The following ENPP6 variants were observed in gnomAD, a reference collection of about 807,000 sequenced individuals.
ENPP6 encodes glycerophosphocholine cholinephosphodiesterase ENPP6.
Under a neutral mutation model 42.0 loss-of-function variants are expected in ENPP6, and 32 were observed. That is an observed-to-expected ratio of 0.76 (90% CI 0.58 to 1.02). The LOEUF is 1.02. Among genes scored for constraint, ENPP6 ranks in the 50% least tolerant of loss-of-function variants. The pLI is 0.00. For missense variants in ENPP6, 552 were observed against 566.8 expected (o/e 0.97, Z 0.27); for synonymous variants, 213 against 216.0 (o/e 0.99, Z 0.12).
chr4:184,164,735 C>T (rs1438058524), intron 1 of ENPP6, among the ~76,000 whole-genome samples: 2 of 152,196 alleles, frequency 1.3e-5, no homozygotes, highest in East Asian at 1.9e-4. Context: ...TTCCACATTT[C>T]GTCCTCACCG....
intron 1 of ENPP6, among the ~76,000 whole-genome samples, chr4:184,185,347 A>G (rs938732134): frequency 6.6e-6 from 1 of 152,212 alleles, no homozygotes; most frequent in African/African-American, 2.4e-5. Context: ...GACAAACACC[A>G]GAAACAACAT....
At chr4:184,149,106 C>T (rs1203063140) in intron 2 of ENPP6, among the ~76,000 whole-genome samples, 1 of 152,154 alleles carries the variant, frequency 6.6e-6, no homozygotes, top group African/African-American at 2.4e-5. Flanking sequence ...ATCCAGACCA[C>T]TTGTGTTTGC....
chr4:184,172,343 G>A (rs1737483762), intron 1 of ENPP6, among the ~76,000 whole-genome samples: 1 of 152,116 alleles, frequency 6.6e-6, no homozygotes, highest in Non-Finnish European at 1.5e-5. Context: ...CCACGCAGGA[G>A]AGAAATTCAG....
intron 5 of ENPP6, among the ~76,000 whole-genome samples, chr4:184,114,052 G>T (rs573136804): frequency 6.6e-6 from 1 of 150,822 alleles, no homozygotes; most frequent in Admixed American, 6.6e-5. Context: ...TGCAACCTCC[G>T]ACTCCTGAGT....
chr4:184,154,199 T>C (rs547459226), intron 1 of ENPP6, among the ~76,000 whole-genome samples: 3 of 152,372 alleles, frequency 2.0e-5, no homozygotes, highest in African/African-American at 7.2e-5. Context: ...GCTTCAGCTC[T>C]GAACAGTGAT....
At chr4:184,107,968 C>A (rs1215230511) in intron 6 of ENPP6, among the ~76,000 whole-genome samples, 1 of 151,840 alleles carries the variant, frequency 6.6e-6, no homozygotes, top group Non-Finnish European at 1.5e-5. Context: ...TCAGTGACGC[C>A]TCTCTAAGAA....
chr4:184,154,888 G>A (rs1329732989), intron 1 of ENPP6, among the ~76,000 whole-genome samples: 1 of 152,160 alleles, frequency 6.6e-6, no homozygotes, highest in East Asian at 1.9e-4. Context: ...GGTTAAGGAA[G>A]TTATTTTATT....
intron 2 of ENPP6, 87 bp from the exon 3 acceptor site, chr4:184,124,359 G>T: frequency 1.1e-6 from 1 of 920,344 alleles, no homozygotes; most frequent in Non-Finnish European, 1.7e-6. Context: ...AACACCATTA[G>T]TCAAAATCAA....
intron 1 of ENPP6, among the ~76,000 whole-genome samples, chr4:184,216,070 G>A (rs1290945389): frequency 6.6e-6 from 1 of 152,208 alleles, no homozygotes; most frequent in Non-Finnish European, 1.5e-5. Flanking sequence ...GAAGCTGCAC[G>A]TGGCGTGGCA....
At chr4:184,107,516 T>A (rs1029973930) in intron 6 of ENPP6, among the ~76,000 whole-genome samples, 5 of 152,136 alleles carry the variant, frequency 3.3e-5, no homozygotes, top group African/African-American at 1.2e-4. Context: ...TGGATGACTG[T>A]GTGTAATCCC....
At chr4:184,112,888 G>A in intron 5 of ENPP6, 79 bp from the exon 6 acceptor site, 1 of 1,404,676 alleles carries the variant, frequency 7.1e-7, no homozygotes, top group Non-Finnish European at 9.5e-7. Context: ...GGGGAGAGGA[G>A]AACTTACGTA....
chr4:184,137,589 T>G (rs913877889), intron 2 of ENPP6, among the ~76,000 whole-genome samples: 1 of 152,256 alleles, frequency 6.6e-6, no homozygotes, highest in Non-Finnish European at 1.5e-5. Context: ...ATTTAGGCTA[T>G]GAGCAGACTA....
intron 2 of ENPP6, among the ~76,000 whole-genome samples, chr4:184,131,262 TC>T (rs1560987511): frequency 4.3e-4 from 25 of 57,680 alleles, no homozygotes; most frequent in Non-Finnish European, 6.3e-4. Flanking sequence ...CTCTTTCTCT[TC>T]CTTCCTTCCT....
chr4:184,097,476 T>C, intron 6 of ENPP6, 108 bp from the exon 7 acceptor site: 2 of 1,508,940 alleles, frequency 1.3e-6, no homozygotes, highest in Admixed American at 1.9e-5. Context: ...TCCTCTGCGC[T>C]CCGACTGACC....
At chr4:184,164,742 A>G (rs1737322511) in intron 1 of ENPP6, among the ~76,000 whole-genome samples, 1 of 152,176 alleles carries the variant, frequency 6.6e-6, no homozygotes, top group Admixed American at 6.5e-5. Flanking sequence ...TTTCGTCCTC[A>G]CCGTGGCCCT....
intron 2 of ENPP6, among the ~76,000 whole-genome samples, chr4:184,152,344 T>C (rs1737066136): frequency 6.6e-6 from 1 of 152,118 alleles, no homozygotes; most frequent in Non-Finnish European, 1.5e-5. Flanking sequence ...ACGCAATCCT[T>C]GTGGGCCTTC....
At chr4:184,196,300 C>G (rs1381135362) in intron 1 of ENPP6, among the ~76,000 whole-genome samples, 1 of 152,210 alleles carries the variant, frequency 6.6e-6, no homozygotes, top group African/African-American at 2.4e-5. Context: ...TCCTGTACGA[C>G]GATTATATTC....
At position 184,113,898 on chromosome 4, in the gene ENPP6, CTTTTCTTTCTTTCTTTCTTTCT is replaced by C. The variant is rs1736257032; in HGVS notation, c.856-1111_856-1090del. Among the ~76,000 whole-genome samples the C allele has an allele frequency of 2.4e-5, 3 of 122,836 alleles. No homozygotes were observed. In the South Asian group the frequency reaches 8.3e-4, roughly 34 times the overall value. The allele number at this position is 122,836 out of a possible 152,430, so 80.6% of individuals were successfully genotyped here. On this transcript the variant is annotated intron_variant, in intron 5 of 7. Transcript: ENST00000296741. ...CTCTTTCTTTTTCCTTCCTTTCTTTCTTTTCTTTCTTTCTTTCTTTCTTTCTTTCTTTCTTTCTTTCTTTCTT... is the reference window on the plus strand; with the variant it reads ...CTCTTTCTTTTTCCTTCCTTTCTTTCTTCTTTCTTTCTTTCTTTCTTTCTT...
At chr4:184,188,368 T>C in intron 1 of ENPP6, among the ~76,000 whole-genome samples, 1 of 152,120 alleles carries the variant, frequency 6.6e-6, no homozygotes, top group East Asian at 1.9e-4. Flanking sequence ...AAGAAAATAT[T>C]GTCCTAGGTT....
Sources: gnomAD v4.1 joint callset for allele counts (sites outside exome capture counted in the v4.1 genomes callset) on GRCh38, gnomAD v4.1.1 for gene constraint, MANE v1.5 for transcripts, NCBI Gene and HGNC (gene_info 2026-07-23, HGNC 2026-07-21) for gene names.